INSR: variants seen among roughly 807,000 people sequenced by gnomAD.
INSR encodes the protein insulin receptor, also known as IR.
A neutral mutation model predicts 142.6 loss-of-function variants in INSR; 67 were observed. That is an observed-to-expected ratio of 0.47 (90% CI 0.39 to 0.58). The LOEUF is 0.58. INSR is among the 20% of genes least tolerant of loss of function. INSR has a pLI of 0.00. For missense variants in INSR, 1,248 were observed against 1,833.2 expected (o/e 0.68, Z 5.83); for synonymous variants, 756 against 743.1 (o/e 1.02, Z -0.28).
chr19:7,286,356 C>T (rs775362520), intron 1 of INSR, among the ~76,000 whole-genome samples: 2 of 151,992 alleles, frequency 1.3e-5, no homozygotes, highest in Non-Finnish European at 2.9e-5. Context: ...GAATGGAATG[C>T]TTTTGGGGAC....
In INSR at chr19:7,188,153, T is replaced by G. The variant is rs775128575; in HGVS notation, c.653-3516A>C. On this transcript the variant is annotated intron_variant, in intron 2 of 21. Transcript: ENST00000302850. ...TGCATCCTTCAGGTCCTTACACAGATCTTCCCTGACTTCCCCAGCAGAAGT... is the reference window on the plus strand; with the variant it reads ...TGCATCCTTCAGGTCCTTACACAGAGCTTCCCTGACTTCCCCAGCAGAAGT... Among the ~76,000 whole-genome samples, 210 of 152,118 alleles carry G rather than the reference T, an allele frequency of 1.4e-3. 2 individuals carry two copies. The highest frequency in any genetic ancestry group is 2.7e-3 in the Non-Finnish European group (182 of 68,020).
Position 7,225,383 on chromosome 19 carries a change from C to T in INSR, c.653-40746G>A, listed in dbSNP as rs575048554. ...CTTAGGGGTGCTTGAGTGCCTGACCCGCCACCCCCGCCCCACCACCAAGCC... is the reference window on the plus strand; with the variant it reads ...CTTAGGGGTGCTTGAGTGCCTGACCTGCCACCCCCGCCCCACCACCAAGCC... On this transcript the variant is annotated intron_variant, in intron 2 of 21. Coordinates refer to ENST00000302850, the MANE Select transcript of INSR (RefSeq NM_000208.4). The surrounding 1 kb of genome is among the most constrained non-coding windows in gnomAD (Gnocchi z 4.7). 2.1e-3 allele frequency among the ~76,000 whole-genome samples: 326 copies of T among 152,074 alleles called. No homozygotes were observed. Among genetic ancestry groups the T allele is most frequent in the Admixed American group, 3.5e-3 (54 of 15,252 alleles).
intron 9 of INSR, among the ~76,000 whole-genome samples, chr19:7,158,500 CA>C (rs1313436404): frequency 3.3e-5 from 5 of 151,214 alleles, no homozygotes; most frequent in Non-Finnish European, 7.4e-5. Flanking sequence ...GACTCCGTCT[CA>C]AAAAAATAAA....
chr19:7,153,349 GACCACAC>G (rs1973483632), intron 9 of INSR, among the ~76,000 whole-genome samples: 1 of 3,232 alleles, frequency 3.1e-4, no homozygotes, highest in African/African-American at 7.9e-4. Flanking sequence ...ACACACCACA[GACCACAC>G]ACCACACACC....
At chr19:7,240,811 A>G (rs910222554) in intron 2 of INSR, among the ~76,000 whole-genome samples, 1 of 152,208 alleles carries the variant, frequency 6.6e-6, no homozygotes, top group Admixed American at 6.6e-5. Flanking sequence ...AAAATATTGT[A>G]TACAATTACC....
chr19:7,219,830 C>T (rs111462209), intron 2 of INSR, among the ~76,000 whole-genome samples: 75 of 152,308 alleles, frequency 4.9e-4, no homozygotes, highest in African/African-American at 1.7e-3. Context: ...GTCCTGCTTC[C>T]TTCTATGGTG....
intron 2 of INSR, among the ~76,000 whole-genome samples, chr19:7,228,083 CA>C (rs1296317401): frequency 6.6e-6 from 1 of 152,126 alleles, no homozygotes; most frequent in Non-Finnish European, 1.5e-5. Context: ...TCCCTAAGGC[CA>C]TTTGTCCCTC....
At chr19:7,265,002 G>A (rs967304711) in intron 2 of INSR, among the ~76,000 whole-genome samples, 2 of 152,142 alleles carry the variant, frequency 1.3e-5, no homozygotes, top group African/African-American at 2.4e-5. Context: ...TCCCCAGAGC[G>A]TTGGGCTCAG....
chr19:7,174,511 T>G, intron 4 of INSR, 72 bp downstream of exon 4: 1 of 1,572,014 alleles, frequency 6.4e-7, no homozygotes, highest in Admixed American at 1.7e-5. Flanking sequence ...GCACTGCTTT[T>G]CTTCCCCGCT....
rs1432767290 is a variant in INSR, at chr19:7,159,529, T to C, written c.2029+3503A>G. On this transcript the variant is annotated intron_variant, in intron 9 of 21. Transcript: ENST00000302850. The surrounding 1 kb of genome is among the most constrained non-coding windows in gnomAD (Gnocchi z 4.3). ...AATTACAGATTTAGACTTTCGGAAT[T>C]AAAAAAAAAAAAAAGGAAGCTTCGA... 2 of 142,836 alleles carry C rather than the reference T, an allele frequency of 1.4e-5. No individual in the cohort carries two copies. Among genetic ancestry groups the C allele is most frequent in the East Asian group, 4.0e-4 (2 of 4,984 alleles). The allele number at this position is 142,836 out of a possible 1,614,324, so 8.8% of individuals were successfully genotyped here.
At chr19:7,280,130 G>A (rs1183883306) in intron 1 of INSR, among the ~76,000 whole-genome samples, 1 of 151,964 alleles carries the variant, frequency 6.6e-6, no homozygotes, top group Admixed American at 6.6e-5. Context: ...CGGGCGTGGT[G>A]GCAGGCGCCT....
chr19:7,134,127 C>T (rs781283164), intron 13 of INSR, among the ~76,000 whole-genome samples: 7 of 151,644 alleles, frequency 4.6e-5, no homozygotes, highest in Admixed American at 6.6e-5. Context: ...TGTAGTGAGC[C>T]GAGATCGCGC....
At position 7,225,123 on chromosome 19, in the gene INSR, A is replaced by G. The variant is rs1975740707; in HGVS notation, c.653-40486T>C. ...CTATGCACCCAGCACTATTCCAATT[A>G]TTAACCATTTATTTCCCCCAACAAT... On this transcript the variant is annotated intron_variant, in intron 2 of 21. Coordinates refer to ENST00000302850, the MANE Select transcript of INSR (RefSeq NM_000208.4). This position sits in a 1 kb window ranked among gnomAD's most constrained non-coding sequence, Gnocchi z 4.7. Among the ~76,000 whole-genome samples, 1 of 152,114 alleles carries G rather than the reference A, an allele frequency of 6.6e-6. No homozygotes were observed. The highest frequency in any genetic ancestry group is 1.5e-5 in the Non-Finnish European group (1 of 68,022).
rs74174872 is a variant in INSR at position 7,169,576 on chromosome 19, C to CAAA, written c.1483+958_1483+960dup. Among the ~76,000 whole-genome samples, 89 of 94,648 alleles carry CAAA rather than the reference C, an allele frequency of 9.4e-4. 1 individual carries two copies. Among genetic ancestry groups the CAAA allele is most frequent in the East Asian group, 1.5e-3 (4 of 2,694 alleles). 62.1% of individuals were successfully genotyped at this position (94,648 alleles called of 152,430 possible). The stretch of plus-strand genomic sequence containing the variant: ...TGGGTGACAGAGCAAGACTCTGTCC[C>CAAA]AAAAAAAAAAAAAAAAAAAAAAGAA... On this transcript the variant is annotated intron_variant, in intron 6 of 21. Coordinates refer to ENST00000302850, the MANE Select transcript of INSR (RefSeq NM_000208.4).
chr19:7,199,441 A>C (rs1454007543), intron 2 of INSR, among the ~76,000 whole-genome samples: 1 of 151,682 alleles, frequency 6.6e-6, no homozygotes, highest in African/African-American at 2.4e-5. Flanking sequence ...TCTGTGGCCC[A>C]GGCTGGAGTG....
intron 2 of INSR, among the ~76,000 whole-genome samples, chr19:7,210,181 C>G (rs532083615): frequency 6.6e-6 from 1 of 151,802 alleles, no homozygotes; most frequent in African/African-American, 2.4e-5. Flanking sequence ...CCCATCTCTA[C>G]TAAAAATACA....
chr19:7,126,597 G>A lies in INSR; in HGVS notation c.3000C>T (p.Leu1000=). The change falls in exon 16 of 22, where the codon CTC becomes CTT. Residue 1000 remains leucine, a synonymous_variant. Coordinates refer to ENST00000302850, the MANE Select transcript of INSR (RefSeq NM_000208.4). The part of the protein sequence containing the change: ...PLYASSNPEY[L]SASDVFPCSV... ...GATGGTACTCACCATCACTGGCACT[G>A]AGATACTCAGGGTTTGAAGAAGCGT... 6.4e-7 allele frequency: 1 copy of A among 1,560,916 alleles called. No individual in the cohort carries two copies. The highest frequency in any genetic ancestry group is 8.7e-7 in the Non-Finnish European group (1 of 1,150,926).
intron 14 of INSR, among the ~76,000 whole-genome samples, chr19:7,129,181 C>T (rs1972718703): frequency 1.3e-5 from 2 of 152,162 alleles, no homozygotes; most frequent in Admixed American, 1.3e-4. Context: ...ATTCTGGAAG[C>T]ACACTCTTCC....
At chr19:7,197,674 CCA>C (rs752097066) in intron 2 of INSR, among the ~76,000 whole-genome samples, 1 of 109,292 alleles carries the variant, frequency 9.1e-6, no homozygotes, top group Non-Finnish European at 1.8e-5. Context: ...TTGGCAGGTT[CCA>C]GAGTGGGAGT....
Sources: allele counts gnomAD v4.1 joint callset (sites outside exome capture counted in the v4.1 genomes callset), GRCh38; gene constraint gnomAD v4.1.1; non-coding constraint Gnocchi (gnomAD v3.1); transcripts MANE v1.5; gene names NCBI Gene and HGNC (gene_info 2026-07-23, HGNC 2026-07-21).